The following AHRR variants were observed in gnomAD, a reference collection of about 807,000 sequenced individuals.
AHRR encodes aryl hydrocarbon receptor repressor.
AHRR carries 28 observed loss-of-function variants against 44.0 expected under a neutral mutation model. The ratio of observed to expected loss-of-function variants is 0.64; its 90% confidence interval spans 0.47 to 0.87. The LOEUF is 0.87. Ranked by LOEUF, AHRR falls within the 40% of genes least tolerant of loss-of-function variation. AHRR has a pLI of 0.00. For synonymous variants in AHRR, 434 were observed against 407.0 expected (o/e 1.07, Z -0.80); for missense variants, 990 against 953.9 (o/e 1.04, Z -0.50).
intron 5 of AHRR, among the ~76,000 whole-genome samples, chr5:420,542 C>T (rs540827353): frequency 6.6e-6 from 1 of 152,352 alleles, no homozygotes; most frequent in African/African-American, 2.4e-5. Context: ...TGGCTCACAC[C>T]ACAGACAGCT....
intron 4 of AHRR, among the ~76,000 whole-genome samples, chr5:378,502 C>T (rs181340042): frequency 4.6e-5 from 7 of 152,198 alleles, no homozygotes; most frequent in Non-Finnish European, 1.0e-4. Flanking sequence ...TAGTCTGGAC[C>T]TGGTGTTTCT....
intron 5 of AHRR, chr5:421,292 T>A (rs1287625412): frequency 1.4e-6 from 1 of 697,550 alleles, no homozygotes; most frequent in Non-Finnish European, 2.6e-6. Context: ...GGCGAGGCTG[T>A]TGCGCTGCAG....
chr5:345,070 A>G (rs1286555146), intron 2 of AHRR, among the ~76,000 whole-genome samples: 62 of 10,130 alleles, frequency 6.1e-3, no homozygotes, highest in Admixed American at 8.9e-3. Flanking sequence ...GTGTGTGGGG[A>G]TGTGTGTGTG....
Position 404,463 on chromosome 5 carries a change from G to T in AHRR, c.352-8881G>T. The T allele has an allele frequency of 2.0e-6, 1 of 502,720 alleles. No individual in the cohort carries two copies. The highest frequency in any genetic ancestry group is 4.0e-6 in the Non-Finnish European group (1 of 249,528). The allele number at this position is 502,720 out of a possible 1,614,324, so 31.1% of individuals were successfully genotyped here. ...CCACTGTGCTGGTGCTGTCGTGCAC[G>T]GTGTGTTCACCAAAACATCTAACGC... is the stretch of plus-strand genomic sequence containing the variant. On this transcript the variant is annotated intron_variant, in intron 4 of 10. Transcript: ENST00000684583. This position sits in a 1 kb window ranked among gnomAD's most constrained non-coding sequence, Gnocchi z 4.1.
chr5:327,473 G>A (rs957325964), intron 1 of AHRR, among the ~76,000 whole-genome samples: 10 of 152,308 alleles, frequency 6.6e-5, no homozygotes, highest in African/African-American at 1.9e-4. Context: ...GTGAGAACAC[G>A]TGACATTTGA....
intron 2 of AHRR, 42 bp downstream of exon 2, chr5:344,006 A>C: frequency 1.3e-6 from 2 of 1,570,654 alleles, no homozygotes; most frequent in South Asian, 2.3e-5. Context: ...TGTTGCACCC[A>C]TGGAAGGGGA....
chr5:415,634 T>TCTCC (rs1735753304), intron 5 of AHRR, among the ~76,000 whole-genome samples: 5 of 146,020 alleles, frequency 3.4e-5, no homozygotes, highest in Admixed American at 1.4e-4. Context: ...AGGGGCCGAA[T>TCTCC]CTGCCTGGTG....
At chr5:393,371 ATCCT>A (rs1734559915) in intron 4 of AHRR, among the ~76,000 whole-genome samples, 1 of 152,076 alleles carries the variant, frequency 6.6e-6, no homozygotes, top group Admixed American at 6.5e-5. Context: ...TCACTAACCG[ATCCT>A]TCCTCCTCCC....
In AHRR at chr5:371,079, G is replaced by A. The variant is rs141367709; in HGVS notation, c.245-5531G>A. 2.4e-3 allele frequency among the ~76,000 whole-genome samples: 358 copies of A among 152,280 alleles called. 1 individual carries two copies. The highest frequency in any genetic ancestry group is 4.7e-3 in the African/African-American group (196 of 41,562). On this transcript the variant is annotated intron_variant, in intron 3 of 10. Transcript: ENST00000684583. Reference sequence around the variant, plus strand: ...GCCCAGAGGCCTGAGGGCCAGGGGCGCTGGGGTAAATTCCCGCCTGTGGCC... The same window carrying A: ...GCCCAGAGGCCTGAGGGCCAGGGGCACTGGGGTAAATTCCCGCCTGTGGCC...
At chr5:373,015 T>C (rs1743630245) in intron 3 of AHRR, among the ~76,000 whole-genome samples, 5 of 152,208 alleles carry the variant, frequency 3.3e-5, no homozygotes, top group Admixed American at 3.3e-4. Context: ...GAGGCCTTGG[T>C]GCTGACTTCA....
At chr5:361,434 C>T (rs1292141068) in intron 3 of AHRR, among the ~76,000 whole-genome samples, 1 of 152,206 alleles carries the variant, frequency 6.6e-6, no homozygotes, top group Non-Finnish European at 1.5e-5. Flanking sequence ...TTGCCAGTGG[C>T]TGGCATGTTT....
chr5:337,077 T>C lies in AHRR; in HGVS notation c.-10-6816T>C, dbSNP rs994613950. On this transcript the variant is annotated intron_variant, in intron 1 of 10. Coordinates refer to ENST00000684583, the MANE Select transcript of AHRR (RefSeq NM_001377236.1). The surrounding 1 kb of genome is among the most constrained non-coding windows in gnomAD (Gnocchi z 4.1). Reference sequence around the variant, plus strand: ...TATGCCACAGTTTCTTTCTTTTTAATGTTTTTTTTTAAAGCCAAACATTTT... The same window carrying C: ...TATGCCACAGTTTCTTTCTTTTTAACGTTTTTTTTTAAAGCCAAACATTTT... Among the ~76,000 whole-genome samples, 3 of 152,164 alleles carry C rather than the reference T, an allele frequency of 2.0e-5. No individual in the cohort carries two copies. Among genetic ancestry groups the C allele is most frequent in the African/African-American group, 7.2e-5 (3 of 41,446 alleles).
chr5:424,030 C>T (rs1019615599), intron 7 of AHRR, 53 bp downstream of exon 7: 3 of 1,566,014 alleles, frequency 1.9e-6, no homozygotes, highest in Middle Eastern at 1.7e-4. Context: ...ATGCATTCTA[C>T]CCTGGTGTGG....
chr5:411,998 G>A lies in AHRR; in HGVS notation c.352-1346G>A, dbSNP rs1735484991. ...CGACTCAGAGGCCACCGTCTTTCGC[G>A]CATCCTCACCGGTGATGGCCCCGGG... On this transcript the variant is annotated intron_variant, in intron 4 of 10. Transcript: ENST00000684583. The surrounding 1 kb of genome is among the most constrained non-coding windows in gnomAD (Gnocchi z 4.2). 6.6e-6 allele frequency among the ~76,000 whole-genome samples: 1 copy of A among 152,138 alleles called. No individual in the cohort carries two copies. Among genetic ancestry groups the A allele is most frequent in the African/African-American group, 2.4e-5 (1 of 41,408 alleles).
chr5:324,367 C>T (rs1741627145), intron 1 of AHRR, among the ~76,000 whole-genome samples: 2 of 151,832 alleles, frequency 1.3e-5, no homozygotes, highest in Non-Finnish European at 2.9e-5. Context: ...CCACGCCCAG[C>T]CGCCTAGCTG....
Position 405,268 on chromosome 5 carries a change from A to G in AHRR, c.352-8076A>G, listed in dbSNP as rs764059936. On this transcript the variant is annotated intron_variant, in intron 4 of 10. Transcript: ENST00000684583. The surrounding 1 kb of genome is among the most constrained non-coding windows in gnomAD (Gnocchi z 4.5). ...GAGCTGCACGGGAATGAAAATGTAC[A>G]AATACCATGGTTCATGGTAGCTCCT... Among the ~76,000 whole-genome samples, 1 of 152,122 alleles carries G rather than the reference A, an allele frequency of 6.6e-6. No individual in the cohort carries two copies. The highest frequency in any genetic ancestry group is 1.5e-5 in the Non-Finnish European group (1 of 68,024).
intron 4 of AHRR, among the ~76,000 whole-genome samples, chr5:380,767 C>G (rs1200926997): frequency 6.6e-6 from 1 of 152,078 alleles, no homozygotes; most frequent in Admixed American, 6.6e-5. Flanking sequence ...TCAGGAGTCT[C>G]CAGAGATACA....
At position 419,782 on chromosome 5, in the gene AHRR, T is replaced by C. The variant is rs536223513; in HGVS notation, c.442-2947T>C. Among the ~76,000 whole-genome samples the C allele has an allele frequency of 1.3e-5, 2 of 152,284 alleles. No individual in the cohort carries two copies. The highest frequency in any genetic ancestry group is 3.9e-4 in the East Asian group (2 of 5,184). On this transcript the variant is annotated intron_variant, in intron 5 of 10. Coordinates refer to ENST00000684583, the MANE Select transcript of AHRR (RefSeq NM_001377236.1). This position sits in a 1 kb window ranked among gnomAD's most constrained non-coding sequence, Gnocchi z 4.4. ...TACCGGAAGTGTCCCCACACCATTT[T>C]CCATAAGCTGTGAAACAAATGTCAT...
intron 2 of AHRR, among the ~76,000 whole-genome samples, chr5:344,450 TGGG>T (rs201723135): frequency 4.8e-4 from 10 of 20,996 alleles, no homozygotes; most frequent in African/African-American, 1.9e-3. Flanking sequence ...GGGCTGTGTG[TGGG>T]GTGTGTGTGT....
Sources: gnomAD v4.1 joint callset for allele counts (sites outside exome capture counted in the v4.1 genomes callset) on GRCh38, gnomAD v4.1.1 for gene constraint, Gnocchi (gnomAD v3.1) non-coding constraint, MANE v1.5 for transcripts, NCBI Gene and HGNC (gene_info 2026-07-23, HGNC 2026-07-21) for gene names.